Variants in UTS2 observed in about 807,000 individuals in gnomAD.
UTS2 encodes the protein urotensin 2.
A neutral mutation model predicts 12.6 loss-of-function variants in UTS2; 10 were observed. That is an observed-to-expected ratio of 0.80 (90% CI 0.49 to 1.35). The LOEUF (loss-of-function observed/expected upper bound fraction) is 1.35, where lower values mean the gene tolerates loss of function less well. Among genes scored for constraint, UTS2 ranks in the 40% most tolerant of loss-of-function variants. The probability of loss-of-function intolerance (pLI) is 0.00; values close to 1 mark genes in which losing one functional copy is unlikely to be tolerated. For missense variants in UTS2, 142 were observed against 143.2 expected (o/e 0.99, Z 0.04); for synonymous variants, 52 against 50.0 (o/e 1.04, Z -0.17).
At chr1:7,851,531 G>C (rs2097414194) in intron 1 of UTS2, among the ~76,000 whole-genome samples, 1 of 152,198 alleles carries the variant, frequency 6.6e-6, no homozygotes, top group Admixed American at 6.5e-5. Context: ...TGTGTGGAAA[G>C]GGCACACCGG....
upstream of UTS2, chr1:7,853,210 C>A: frequency 6.4e-7 from 1 of 1,564,538 alleles, no homozygotes; most frequent in South Asian, 1.2e-5. Flanking sequence ...GGTAACAAGT[C>A]ATAGACAATA....
At chr1:7,891,397 G>A in the UTS2 span, among the ~76,000 whole-genome samples, 53 of 152,094 alleles carry the variant, frequency 3.5e-4, no homozygotes, top group Admixed American at 7.9e-4. Flanking sequence ...GTGGTGGTGG[G>A]CGCTTGTAAT....
chr1:7,901,419 A>C, the UTS2 span, among the ~76,000 whole-genome samples: 1 of 152,180 alleles, frequency 6.6e-6, no homozygotes, highest in African/African-American at 2.4e-5. Flanking sequence ...GAGGAGGTGG[A>C]AGGAGCTGCT....
chr1:7,864,821 T>A, the UTS2 span, among the ~76,000 whole-genome samples: 5 of 152,340 alleles, frequency 3.3e-5, 2 homozygotes, highest in African/African-American at 1.2e-4. Context: ...ACCTACCTTT[T>A]GTCAGTTGAT....
chr1:7,899,216 A>G, the UTS2 span, among the ~76,000 whole-genome samples: 1 of 152,178 alleles, frequency 6.6e-6, no homozygotes, highest in Non-Finnish European at 1.5e-5. Flanking sequence ...GGGGATTACA[A>G]TTAGACAAGA....
chr1:7,863,842 G>A, the UTS2 span, among the ~76,000 whole-genome samples: 1 of 152,224 alleles, frequency 6.6e-6, no homozygotes, highest in Admixed American at 6.5e-5. Context: ...GTGAGCAGTT[G>A]GGGTTGCTGT....
chr1:7,906,142 G>A, the UTS2 span, among the ~76,000 whole-genome samples: 20 of 152,178 alleles, frequency 1.3e-4, no homozygotes, highest in Admixed American at 3.9e-4. Context: ...TGCATGAGGT[G>A]CATGGGGTTC....
chr1:7,866,008 A>C, the UTS2 span, among the ~76,000 whole-genome samples: 1 of 152,196 alleles, frequency 6.6e-6, no homozygotes, highest in Non-Finnish European at 1.5e-5. The surrounding 1 kb of genome is among the most constrained non-coding windows in gnomAD (Gnocchi z 4.5). Context: ...GCAGGGGACA[A>C]GTGTTAGCCC....
the UTS2 span, among the ~76,000 whole-genome samples, chr1:7,858,584 A>T: frequency 1.1e-4 from 17 of 150,066 alleles, no homozygotes; most frequent in African/African-American, 3.4e-4. Context: ...TCTATTAATT[A>T]TTTTTTTTTT....
At chr1:7,857,359 A>G (rs920886802), upstream of UTS2, among the ~76,000 whole-genome samples, 3 of 152,144 alleles carry the variant, frequency 2.0e-5, no homozygotes, top group East Asian at 1.9e-4. Flanking sequence ...TGCCCTAAAT[A>G]AGTGCATTAA....
intron 1 of UTS2, among the ~76,000 whole-genome samples, chr1:7,851,358 G>A (rs2097413984): frequency 6.6e-6 from 1 of 152,180 alleles, no homozygotes; most frequent in African/African-American, 2.4e-5. Context: ...AAAGCCAGTA[G>A]GATGGTATCA....
At chr1:7,874,005 A>G in the UTS2 span, among the ~76,000 whole-genome samples, 1 of 152,272 alleles carries the variant, frequency 6.6e-6, no homozygotes, top group South Asian at 2.1e-4. Flanking sequence ...TCCTTCACAA[A>G]GGACTCAAAC....
At chr1:7,851,103 G>A (rs930953611) in intron 1 of UTS2, among the ~76,000 whole-genome samples, 181 bp from the exon 2 acceptor site, 2 of 152,188 alleles carry the variant, frequency 1.3e-5, no homozygotes, top group Non-Finnish European at 2.9e-5. Flanking sequence ...CAGCCCGTGT[G>A]CCAGCCAGCA....
At chr1:7,895,543 AG>A in the UTS2 span, among the ~76,000 whole-genome samples, 1 of 152,180 alleles carries the variant, frequency 6.6e-6, no homozygotes, top group African/African-American at 2.4e-5. Context: ...AAGGAAGATG[AG>A]GAGTGCAGGC....
At chr1:7,856,508 CG>C (rs995112555), upstream of UTS2, among the ~76,000 whole-genome samples, 1 of 61,874 alleles carries the variant, frequency 1.6e-5, no homozygotes, top group Non-Finnish European at 3.6e-5. Context: ...CGAGAGAAGT[CG>C]GGGAAGCGTG....
chr1:7,889,418 G>A, the UTS2 span, among the ~76,000 whole-genome samples: 1 of 143,908 alleles, frequency 6.9e-6, no homozygotes, highest in Non-Finnish European at 1.5e-5. Flanking sequence ...CTCTAGTGTG[G>A]GCAACAGAGC....
At chr1:7,875,477 G>A in the UTS2 span, among the ~76,000 whole-genome samples, 6 of 152,102 alleles carry the variant, frequency 3.9e-5, no homozygotes, top group Non-Finnish European at 7.4e-5. Context: ...TTCCCAGGGC[G>A]TGAGGACAAG....
At chr1:7,852,201 AAAGAT>A (rs2097414890) in intron 1 of UTS2, among the ~76,000 whole-genome samples, 1 of 152,192 alleles carries the variant, frequency 6.6e-6, no homozygotes, top group Non-Finnish European at 1.5e-5. Flanking sequence ...ACTCAAGATT[AAAGAT>A]AAGATTAAAT....
At chr1:7,866,910 C>A in the UTS2 span, among the ~76,000 whole-genome samples, 1 of 128,956 alleles carries the variant, frequency 7.8e-6, no homozygotes, top group African/African-American at 2.5e-5. The surrounding 1 kb of genome is among the most constrained non-coding windows in gnomAD (Gnocchi z 4.5). Flanking sequence ...GCTCTTGTTG[C>A]CCAGGCTGGA....
Sources: allele counts gnomAD v4.1 joint callset (sites outside exome capture counted in the v4.1 genomes callset), GRCh38; gene constraint gnomAD v4.1.1; non-coding constraint Gnocchi (gnomAD v3.1); transcripts MANE v1.5; gene names NCBI Gene and HGNC (gene_info 2026-07-23, HGNC 2026-07-21).